The following FSD1L variants were observed in gnomAD, a reference collection of about 807,000 sequenced individuals.
FSD1L encodes fibronectin type III and SPRY domain containing 1 like, also known as FSD1-like protein.
A neutral mutation model predicts 71.6 loss-of-function variants in FSD1L; 45 were observed. The ratio of observed to expected loss-of-function variants is 0.63; its 90% CI spans 0.49 to 0.81. The LOEUF is 0.81. FSD1L is among the 30% of genes least tolerant of loss of function. FSD1L has a pLI of 0.00. For synonymous variants in FSD1L, 197 were observed against 207.2 expected (o/e 0.95, Z 0.42); for missense variants, 561 against 618.1 (o/e 0.91, Z 0.98).
chr9:105,474,434 C>T (rs1278968282), intron 5 of FSD1L, among the ~76,000 whole-genome samples: 1 of 152,160 alleles, frequency 6.6e-6, no homozygotes, highest in Non-Finnish European at 1.5e-5. Context: ...CTGAGAGCTG[C>T]TTGCAATTAT....
At chr9:105,502,446 G>T (rs1331822254) in intron 7 of FSD1L, among the ~76,000 whole-genome samples, 1 of 152,094 alleles carries the variant, frequency 6.6e-6, no homozygotes, top group Non-Finnish European at 1.5e-5. Flanking sequence ...ATTTATAGCA[G>T]TTGAGGCTTT....
In FSD1L at chr9:105,461,571, A is replaced by T; in HGVS notation, c.67A>T (p.Ile23Phe). The T allele has an allele frequency of 6.4e-7, 1 of 1,551,834 alleles. No individual in the cohort carries two copies. Among genetic ancestry groups the T allele is most frequent in the African/African-American group, 1.4e-5 (1 of 73,158 alleles). Residue 23 changes from isoleucine (I) to phenylalanine (F), a missense_variant, in exon 2 of 14, where the codon ATC (isoleucine) becomes TTC (phenylalanine). By Grantham distance (21) the Ile-to-Phe change is conservative. Transcript: ENST00000481272. ...NVTVDKACFL[I>F]SNITIGPESI... is the part of the protein sequence containing the mutation. ...TACAGTTGATAAAGCCTGTTTTCTGATCTCTAACATCACTATTGGACCAGA... is the reference window on the plus strand; with the variant it reads ...TACAGTTGATAAAGCCTGTTTTCTGTTCTCTAACATCACTATTGGACCAGA...
chr9:105,463,307 A>T (rs1299290318), intron 2 of FSD1L, among the ~76,000 whole-genome samples: 1 of 152,230 alleles, frequency 6.6e-6, no homozygotes, highest in Non-Finnish European at 1.5e-5. Context: ...GCTTACAGAA[A>T]AAAGTCCTAT....
Position 105,448,091 on chromosome 9 carries a change from T to A in FSD1L, c.-130T>A. The stretch of plus-strand genomic sequence containing the variant: ...CGCGCGCGGTCTGGGCGCGGACGGG[T>A]GGGGCCGGGCGGTGCCGGTGCGGGC... On this transcript the variant is annotated 5_prime_UTR_variant, in exon 1 of 14. Coordinates refer to ENST00000481272, the MANE Select transcript of FSD1L (RefSeq NM_001145313.3). 9.4e-7 allele frequency: 1 copy of A among 1,062,536 alleles called. No individual in the cohort carries two copies. The highest frequency in any genetic ancestry group is 1.4e-6 in the Non-Finnish European group (1 of 717,194). 65.8% of individuals were successfully genotyped at this position (1,062,536 alleles called of 1,614,324 possible). A position where few individuals can be genotyped will look rare whatever the true frequency, so the allele number is the denominator to read the frequency against.
chr9:105,498,157 A>G, intron 7 of FSD1L, among the ~76,000 whole-genome samples: 1 of 149,594 alleles, frequency 6.7e-6, no homozygotes, highest in East Asian at 2.0e-4. Flanking sequence ...TTTTTGTTCT[A>G]ATTTTCATTA....
chr9:105,510,136 A>G (rs1190339261), intron 9 of FSD1L, among the ~76,000 whole-genome samples: 3 of 152,182 alleles, frequency 2.0e-5, no homozygotes, highest in Non-Finnish European at 4.4e-5. Context: ...GGCTGCTCCT[A>G]TTAGCAGTGA....
intron 10 of FSD1L, among the ~76,000 whole-genome samples, chr9:105,519,554 T>C (rs751185188): frequency 1.3e-5 from 2 of 152,112 alleles, no homozygotes; most frequent in Non-Finnish European, 2.9e-5. Context: ...AAAAACCACA[T>C]GATTATCTCA....
intron 4 of FSD1L, 142 bp downstream of exon 4, chr9:105,468,466 T>A: frequency 1.6e-6 from 1 of 618,404 alleles, no homozygotes; most frequent in Non-Finnish European, 2.5e-6. Flanking sequence ...GCCATAAGTA[T>A]TCTAAAATTG....
intron 10 of FSD1L, among the ~76,000 whole-genome samples, chr9:105,516,427 C>T (rs1834729787): frequency 6.6e-6 from 1 of 152,144 alleles, no homozygotes; most frequent in South Asian, 2.1e-4. Context: ...CGATAGATAC[C>T]TCATACAGGA....
chr9:105,484,545 T>C (rs761348172), intron 7 of FSD1L, 43 bp downstream of exon 7: 27 of 1,330,378 alleles, frequency 2.0e-5, no homozygotes, highest in Non-Finnish European at 2.6e-5. Flanking sequence ...TAAAACTTTT[T>C]TTTTTCTACA....
In FSD1L at chr9:105,551,368, A is replaced by C. The variant is rs1278397005; in HGVS notation, c.*4885A>C. 5 of 152,054 alleles carry C rather than the reference A, an allele frequency of 3.3e-5. No individual in the cohort carries two copies. Among genetic ancestry groups the C allele is most frequent in the African/African-American group, 1.2e-4 (5 of 41,422 alleles). The allele number at this position is 152,054 out of a possible 1,614,324, so 9.4% of individuals were successfully genotyped here. A position where few individuals can be genotyped will look rare whatever the true frequency, so the allele number is the denominator to read the frequency against. Reference sequence around the variant, plus strand: ...CATATACTAGATCTGTGACCGCTACACAAATTGTTTATCATCTTTGGGTCT... The same window carrying C: ...CATATACTAGATCTGTGACCGCTACCCAAATTGTTTATCATCTTTGGGTCT... On this transcript the variant is annotated 3_prime_UTR_variant, in exon 14 of 14. Coordinates refer to ENST00000481272, the MANE Select transcript of FSD1L (RefSeq NM_001145313.3).
intron 1 of FSD1L, among the ~76,000 whole-genome samples, chr9:105,449,755 G>A (rs1437483856): frequency 1.7e-5 from 2 of 117,090 alleles, no homozygotes; most frequent in Non-Finnish European, 3.6e-5. Context: ...ACTTTATCAG[G>A]GATGCATTAT....
intron 5 of FSD1L, among the ~76,000 whole-genome samples, chr9:105,478,516 G>A (rs2812310): frequency 0.64 from 97,397 of 152,014 alleles, 31,616 homozygotes; most frequent in African/African-American, 0.74. Flanking sequence ...ATTGTTAACT[G>A]TACTGGTTAC....
Position 105,448,109 on chromosome 9 carries a change from G to C in FSD1L, c.-112G>C. ...GGACGGGTGGGGCCGGGCGGTGCCG[G>C]TGCGGGCTGGGGCAGTGCAGTGAGT... On this transcript the variant is annotated 5_prime_UTR_variant, in exon 1 of 14. Coordinates refer to ENST00000481272, the MANE Select transcript of FSD1L (RefSeq NM_001145313.3). The C allele has an allele frequency of 8.3e-7, 1 of 1,207,552 alleles. No individual in the cohort carries two copies. The highest frequency in any genetic ancestry group is 1.3e-5 in the South Asian group (1 of 76,478). The allele number at this position is 1,207,552 out of a possible 1,614,324, so 74.8% of individuals were successfully genotyped here.
chr9:105,452,923 GAC>G (rs1830129300), intron 1 of FSD1L, among the ~76,000 whole-genome samples: 1 of 151,796 alleles, frequency 6.6e-6, no homozygotes, highest in South Asian at 2.1e-4. Context: ...TTTTTGTAGA[GAC>G]AGGGTTTTGC....
intron 10 of FSD1L, among the ~76,000 whole-genome samples, chr9:105,527,261 C>A (rs112266366): frequency 0.022 from 3,173 of 146,198 alleles, 56 homozygotes; most frequent in Non-Finnish European, 0.038. Flanking sequence ...CAGATTGTGG[C>A]CTTTTATTAT....
chr9:105,460,810 C>A (rs953166688), intron 1 of FSD1L, among the ~76,000 whole-genome samples: 2 of 152,058 alleles, frequency 1.3e-5, no homozygotes, highest in African/African-American at 4.8e-5. Flanking sequence ...CTTCTCTAAC[C>A]CAAAACATGA....
chr9:105,531,671 T>G (rs1225758571), intron 10 of FSD1L, among the ~76,000 whole-genome samples: 1 of 152,246 alleles, frequency 6.6e-6, no homozygotes, highest in Non-Finnish European at 1.5e-5. Flanking sequence ...TAATGTGCAG[T>G]CAATTTATGA....
intron 1 of FSD1L, among the ~76,000 whole-genome samples, chr9:105,457,325 C>G (rs1344197221): frequency 2.0e-5 from 3 of 152,092 alleles, no homozygotes; most frequent in Non-Finnish European, 2.9e-5. Context: ...AGGCAGTGGA[C>G]AGATCATTTG....
Sources: allele counts gnomAD v4.1 joint callset (sites outside exome capture counted in the v4.1 genomes callset), GRCh38; gene constraint gnomAD v4.1.1; transcripts MANE v1.5; gene names NCBI Gene and HGNC (gene_info 2026-07-23, HGNC 2026-07-21).